The following ADAMTS20 variants were observed in gnomAD, a reference collection of about 807,000 sequenced individuals.
The protein encoded by ADAMTS20 is A disintegrin and metalloproteinase with thrombospondin motifs 20.
Under a neutral mutation model 260.1 loss-of-function variants are expected in ADAMTS20, and 225 were observed. The ratio of observed to expected loss-of-function variants is 0.87; its 90% CI spans 0.78 to 0.97. The LOEUF (loss-of-function observed/expected upper bound fraction) is 0.97. Among genes scored for constraint, ADAMTS20 ranks in the 50% least tolerant of loss-of-function variants. The pLI is 0.00. For synonymous variants in ADAMTS20, 802 were observed against 769.5 expected (o/e 1.04, Z -0.70); for missense variants, 2,400 against 2,337.7 (o/e 1.03, Z -0.55).
intron 7 of ADAMTS20, among the ~76,000 whole-genome samples, chr12:43,471,046 G>A (rs1942247574): frequency 6.6e-6 from 1 of 152,118 alleles, no homozygotes; most frequent in Non-Finnish European, 1.5e-5. Flanking sequence ...GCAGAAGACG[G>A]GTGATTTCTG....
intron 31 of ADAMTS20, among the ~76,000 whole-genome samples, chr12:43,378,354 G>T (rs1565672021): frequency 6.6e-6 from 1 of 152,162 alleles, no homozygotes; most frequent in Non-Finnish European, 1.5e-5. Flanking sequence ...CCAAAGTAAG[G>T]CAATTAACCA....
At chr12:43,464,252 C>T (rs997885262) in intron 10 of ADAMTS20, among the ~76,000 whole-genome samples, 3 of 151,964 alleles carry the variant, frequency 2.0e-5, no homozygotes, top group African/African-American at 7.2e-5. Context: ...TTCAACACAC[C>T]TATATTTTCT....
rs1428620804 is a variant in ADAMTS20 at position 43,532,081 on chromosome 12, A to C, written c.568T>G (p.Leu190Val). 32 of 1,609,052 alleles carry C rather than the reference A, an allele frequency of 2.0e-5. No individual in the cohort carries two copies. The highest frequency in any genetic ancestry group is 2.7e-5 in the Non-Finnish European group (32 of 1,177,344). The change falls in exon 3 of 39, where the codon TTA becomes GTA. Residue 190 changes from leucine (L) to valine (V), a missense_variant. Leu to Val is a conservative substitution (Grantham distance 32). Coordinates refer to ENST00000389420, the MANE Select transcript of ADAMTS20 (RefSeq NM_025003.5). ...AGAGTCTGCAGAAAAGAGTTATTTA[A>C]GTCTTGTCTGTATATAAGATGTGGC... is the stretch of plus-strand genomic sequence containing the variant. ...NKPHLIYRQD[L>V]NNSFLQTLKY...
At chr12:43,518,979 A>C (rs965467437) in intron 3 of ADAMTS20, among the ~76,000 whole-genome samples, 5 of 151,950 alleles carry the variant, frequency 3.3e-5, no homozygotes, top group African/African-American at 1.2e-4. Context: ...ACTTCTTAAC[A>C]CAATTATTGC....
At chr12:43,396,680 T>C (rs1180947708) in intron 29 of ADAMTS20, among the ~76,000 whole-genome samples, 1 of 152,192 alleles carries the variant, frequency 6.6e-6, no homozygotes, top group Non-Finnish European at 1.5e-5. Context: ...TAAATATTCA[T>C]ATCTGTATTT....
intron 6 of ADAMTS20, among the ~76,000 whole-genome samples, chr12:43,491,080 A>G (rs1760459765): frequency 6.6e-6 from 1 of 152,142 alleles, no homozygotes; most frequent in Non-Finnish European, 1.5e-5. Context: ...CATGCACTGC[A>G]TAACATGTTT....
At chr12:43,408,409 A>C (rs1940960062) in intron 28 of ADAMTS20, among the ~76,000 whole-genome samples, 1 of 152,230 alleles carries the variant, frequency 6.6e-6, no homozygotes. Flanking sequence ...TAACATTTAC[A>C]AAATTCTTAA....
intron 28 of ADAMTS20, among the ~76,000 whole-genome samples, chr12:43,401,386 T>C (rs578019780): frequency 1.2e-4 from 18 of 151,918 alleles, no homozygotes; most frequent in Non-Finnish European, 2.2e-4. Context: ...CTGATAAGAA[T>C]GGCCAATTCA....
chr12:43,550,247 G>A (rs1943493663), intron 2 of ADAMTS20, among the ~76,000 whole-genome samples: 1 of 152,158 alleles, frequency 6.6e-6, no homozygotes, highest in Non-Finnish European at 1.5e-5. Context: ...CCAATAAAAT[G>A]ATACTTTTAT....
chr12:43,369,228 A>G (rs1205995768), intron 37 of ADAMTS20, 62 bp downstream of exon 37: 2 of 1,030,442 alleles, frequency 1.9e-6, no homozygotes, highest in East Asian at 6.4e-5. Flanking sequence ...AAAAAAATGA[A>G]TGAAGAGAAG....
At chr12:43,406,806 T>A (rs1940928175) in intron 28 of ADAMTS20, among the ~76,000 whole-genome samples, 1 of 152,040 alleles carries the variant, frequency 6.6e-6, no homozygotes, top group South Asian at 2.1e-4. Flanking sequence ...ACTGAGCGTC[T>A]CAATTATTAG....
intron 23 of ADAMTS20, 42 bp from the exon 24 acceptor site, chr12:43,429,766 G>T: frequency 1.6e-6 from 2 of 1,279,108 alleles, no homozygotes; most frequent in South Asian, 1.4e-5. Context: ...ATTAATTAAT[G>T]ACTGATTTAT....
At chr12:43,436,757 C>G (rs1941563637) in intron 18 of ADAMTS20, among the ~76,000 whole-genome samples, 1 of 152,130 alleles carries the variant, frequency 6.6e-6, no homozygotes, top group African/African-American at 2.4e-5. Flanking sequence ...ATGATGTGAT[C>G]CCAGCCCATT....
intron 29 of ADAMTS20, among the ~76,000 whole-genome samples, chr12:43,387,583 C>T (rs189621606): frequency 5.9e-5 from 9 of 152,316 alleles, no homozygotes; most frequent in East Asian, 1.9e-4. Flanking sequence ...GCTGAAGCTG[C>T]GCCCACAGTT....
intron 24 of ADAMTS20, among the ~76,000 whole-genome samples, chr12:43,429,231 G>A: frequency 6.6e-6 from 1 of 151,988 alleles, no homozygotes; most frequent in East Asian, 1.9e-4. Flanking sequence ...TATTCTACAA[G>A]ATTTTAGCAA....
chr12:43,466,327 C>A (rs1942151104), intron 9 of ADAMTS20, among the ~76,000 whole-genome samples: 1 of 151,850 alleles, frequency 6.6e-6, no homozygotes, highest in African/African-American at 2.4e-5. Context: ...AATTCAAAAA[C>A]ACATAAGGAA....
At chr12:43,466,139 CAGAGCTAGAA>C (rs1178390009) in intron 9 of ADAMTS20, among the ~76,000 whole-genome samples, 1 of 151,908 alleles carries the variant, frequency 6.6e-6, no homozygotes, top group African/African-American at 2.4e-5. Context: ...TACCTCTCTG[CAGAGCTAGAA>C]AGAGCTCCTG....
At chr12:43,532,711 G>A (rs1212687821) in intron 2 of ADAMTS20, among the ~76,000 whole-genome samples, 1 of 84,192 alleles carries the variant, frequency 1.2e-5, no homozygotes, top group Non-Finnish European at 2.4e-5. Flanking sequence ...CCCCTCCCCC[G>A]ACCCCACCAC....
At chr12:43,397,144 G>A (rs1940720998) in intron 29 of ADAMTS20, among the ~76,000 whole-genome samples, 1 of 152,190 alleles carries the variant, frequency 6.6e-6, no homozygotes, top group Non-Finnish European at 1.5e-5. Context: ...AATAATTTAA[G>A]AGATGGTGAG....
Sources: gnomAD v4.1 joint callset for allele counts (sites outside exome capture counted in the v4.1 genomes callset) on GRCh38, gnomAD v4.1.1 for gene constraint, MANE v1.5 for transcripts, NCBI Gene and HGNC (gene_info 2026-07-23, HGNC 2026-07-21) for gene names.